Variants in FGD1 observed in about 807,000 individuals in gnomAD.
FGD1 encodes FYVE, RhoGEF and PH domain containing 1, also known as FYVE, RhoGEF and PH domain-containing protein 1.
In FGD1, 12 loss-of-function variants were observed where a neutral mutation model predicts 65.0. The observed-to-expected ratio is 0.18, with a 90% CI of 0.12 to 0.30. FGD1 has a LOEUF of 0.30. FGD1 is among the 10% of genes least tolerant of loss of function. FGD1 has a pLI of 1.00. For synonymous variants in FGD1, 333 were observed against 343.9 expected (o/e 0.97, Z 0.35); for missense variants, 542 against 837.6 (o/e 0.65, Z 4.36).
At chrX:54,475,023 G>C (rs1487717389) in intron 1 of FGD1, among the ~76,000 whole-genome samples, 1 of 111,975 alleles carries the variant, frequency 8.9e-6, no homozygotes, top group Non-Finnish European at 1.9e-5. Flanking sequence ...TCCAGTGCTG[G>C]TCCTCGGGAT....
At chrX:54,466,812 C>CGG (rs770580674) in intron 6 of FGD1, among the ~76,000 whole-genome samples, 5,689 of 106,680 alleles carry the variant, frequency 0.053, 143 homozygotes, top group South Asian at 0.11. Context: ...TGCAGTGGTA[C>CGG]GATCTCGGCT....
At chrX:54,485,729 C>T (rs190314763) in intron 1 of FGD1, among the ~76,000 whole-genome samples, 28 of 111,062 alleles carry the variant, frequency 2.5e-4, no homozygotes, top group Admixed American at 1.8e-3. Flanking sequence ...TATCAGCCTC[C>T]GAAAGTGCTA....
intron 8 of FGD1, among the ~76,000 whole-genome samples, chrX:54,458,662 C>T (rs1428049860): frequency 1.8e-5 from 2 of 110,539 alleles, no homozygotes; most frequent in Non-Finnish European, 3.8e-5. Flanking sequence ...CCAACTGTCA[C>T]TGTCTTCTGG....
At chrX:54,470,547 C>A in intron 3 of FGD1, 36 bp downstream of exon 3, 1 of 1,194,669 alleles carries the variant, frequency 8.4e-7, no homozygotes, top group East Asian at 3.0e-5. Context: ...CAGGCTCCCC[C>A]TTTCCCCTAG....
At chrX:54,463,170 G>A (rs1265477839) in intron 8 of FGD1, among the ~76,000 whole-genome samples, 1 of 111,016 alleles carries the variant, frequency 9.0e-6, no homozygotes, top group Non-Finnish European at 1.9e-5. Flanking sequence ...ATCTTGGCCA[G>A]CCTTATGGCT....
chrX:54,489,701 G>A (rs1442158397), intron 1 of FGD1, among the ~76,000 whole-genome samples: 1 of 112,327 alleles, frequency 8.9e-6, no homozygotes, highest in African/African-American at 3.2e-5. Context: ...ATGCCAGGTT[G>A]CAGAGAAAAG....
At chrX:54,457,688 G>T (rs1922535072) in intron 8 of FGD1, among the ~76,000 whole-genome samples, 1 of 111,162 alleles carries the variant, frequency 9.0e-6, no homozygotes, top group South Asian at 3.8e-4. Flanking sequence ...AAAACACCAG[G>T]AAGAATTTAT....
At chrX:54,446,468 G>A (rs1004559780) in intron 17 of FGD1, 54 bp from the exon 18 acceptor site, 8 of 1,108,952 alleles carry the variant, frequency 7.2e-6, no homozygotes, top group African/African-American at 1.8e-5. Context: ...CCTTTCCCCC[G>A]CCCCAGCTTC....
At chrX:54,485,278 C>T (rs1197452936) in intron 1 of FGD1, among the ~76,000 whole-genome samples, 2 of 111,128 alleles carry the variant, frequency 1.8e-5, no homozygotes, top group Non-Finnish European at 3.8e-5. Flanking sequence ...GCCCTCTCTT[C>T]TCCTTTCCGT....
rs1247136789 is a variant in FGD1 at position 54,448,681 on chromosome X, T to A, written c.2436+125A>T. 4 of 640,038 alleles carry A rather than the reference T, an allele frequency of 6.2e-6. No homozygotes were observed. In the East Asian group the frequency reaches 1.3e-4, roughly 21 times the overall value. 52.7% of individuals were successfully genotyped at this position (640,038 alleles called of 1,213,427 possible). The stretch of plus-strand genomic sequence containing the variant: ...TCATTCACTCTTGCCGTCATTTTAT[T>A]CACTCCAAGCCTGGGTCCCTTGATC... On this transcript the variant is annotated intron_variant, in intron 16 of 17. Transcript: ENST00000375135.
chrX:54,482,691 G>A (rs1248247830), intron 1 of FGD1, among the ~76,000 whole-genome samples: 1 of 111,886 alleles, frequency 8.9e-6, no homozygotes, highest in Non-Finnish European at 1.9e-5. Context: ...GAGGGGAAAA[G>A]ACAGATGATA....
chrX:54,465,973 C>G (rs1402433704), intron 6 of FGD1, 121 bp from the exon 7 acceptor site: 14 of 813,512 alleles, frequency 1.7e-5, no homozygotes, highest in Middle Eastern at 4.0e-4. Context: ...TACTTCTCAG[C>G]TAGTCTGCTC....
rs756849866 is a variant in FGD1, at chrX:54,470,899, C to T, written c.482-139G>A. 3 of 423,709 alleles carry T rather than the reference C, an allele frequency of 7.1e-6. No homozygotes were observed. In the African/African-American group the frequency reaches 7.7e-5, roughly 11 times the overall value. The allele number at this position is 423,709 out of a possible 1,213,427, so 34.9% of individuals were successfully genotyped here. ...TGGCACGTGCCTGTAGTCCCAGCTA[C>T]TTGGGAGGCTGAGGCAGGATAATTG... On this transcript the variant is annotated intron_variant, in intron 2 of 17. Transcript: ENST00000375135.
At chrX:54,454,775 T>C (rs1922459089) in intron 12 of FGD1, among the ~76,000 whole-genome samples, 1 of 111,663 alleles carries the variant, frequency 9.0e-6, no homozygotes, top group Non-Finnish European at 1.9e-5. Context: ...TGTGTATGTA[T>C]GTATATGTGT....
chrX:54,483,714 A>C (rs1923208501), intron 1 of FGD1, among the ~76,000 whole-genome samples: 1 of 110,039 alleles, frequency 9.1e-6, no homozygotes, highest in Non-Finnish European at 1.9e-5. Context: ...CGTGAACGAC[A>C]CTCCTACCCC....
At position 54,446,325 on chromosome X, in the gene FGD1, G is replaced by A. The variant is rs1054217690; in HGVS notation, c.2670C>T (p.Phe890=). ...AGCTGAGGTGGCTCTGGGTGATCTT[G>A]AAGACATGCCTTCTGTCAGGCCGCT... ...AGERPDRRHV[F]KITQSHLSWY... The change falls in exon 18 of 18, where the codon TTC becomes TTT. Residue 890 remains phenylalanine, a synonymous_variant. Transcript: ENST00000375135. The A allele has an allele frequency of 1.7e-6, 2 of 1,211,396 alleles. No individual in the cohort carries two copies. The highest frequency in any genetic ancestry group is 2.2e-6 in the Non-Finnish European group (2 of 895,198).
At chrX:54,447,062 C>T (rs1385985985) in intron 17 of FGD1, among the ~76,000 whole-genome samples, 1 of 111,614 alleles carries the variant, frequency 9.0e-6, no homozygotes, top group Non-Finnish European at 1.9e-5. Context: ...TTGGACCTAG[C>T]AGTTCCCCAT....
At chrX:54,454,170 C>T (rs1400705647) in intron 12 of FGD1, among the ~76,000 whole-genome samples, 1 of 111,156 alleles carries the variant, frequency 9.0e-6, no homozygotes, top group Non-Finnish European at 1.9e-5. Context: ...CATTGTTGTG[C>T]GACTATCAGA....
At chrX:54,448,115 C>T (rs1205246878) in intron 16 of FGD1, among the ~76,000 whole-genome samples, 3 of 111,222 alleles carry the variant, frequency 2.7e-5, no homozygotes, top group Non-Finnish European at 1.9e-5. Context: ...AGAAGGGATA[C>T]GGTATTTTAT....
Sources: allele counts gnomAD v4.1 joint callset (sites outside exome capture counted in the v4.1 genomes callset), GRCh38; gene constraint gnomAD v4.1.1; transcripts MANE v1.5; gene names NCBI Gene and HGNC (gene_info 2026-07-23, HGNC 2026-07-21).